The following DNAAF9 variants were observed in gnomAD, a reference collection of about 807,000 sequenced individuals.
DNAAF9 encodes the protein shulin.
A neutral mutation model predicts 167.0 loss-of-function variants in DNAAF9; 90 were observed. The ratio of observed to expected loss-of-function variants is 0.54; its 90% CI spans 0.45 to 0.64. The LOEUF (loss-of-function observed/expected upper bound fraction) is 0.64. Among genes scored for constraint, DNAAF9 ranks in the 30% least tolerant of loss-of-function variants. DNAAF9 has a pLI of 0.00. For synonymous variants in DNAAF9, 491 were observed against 508.8 expected (o/e 0.96, Z 0.47); for missense variants, 1,315 against 1,442.2 (o/e 0.91, Z 1.43).
Position 3,371,006 on chromosome 20 carries a change from A to G in DNAAF9, c.612+3042T>C, listed in dbSNP as rs576815981. On this transcript the variant is annotated intron_variant, in intron 6 of 36. Coordinates refer to ENST00000252032, the MANE Select transcript of DNAAF9 (RefSeq NM_001009984.3). ...CCTTTAATTTAATTCTTTCCTTTCA[A>G]TATCACCAATTTCCATTCTCTATTC... Among the ~76,000 whole-genome samples the G allele has an allele frequency of 1.4e-3, 213 of 152,190 alleles. 1 individual carries two copies. The highest frequency in any genetic ancestry group is 2.1e-3 in the Non-Finnish European group (146 of 68,008).
intron 11 of DNAAF9, among the ~76,000 whole-genome samples, chr20:3,331,769 G>C (rs569458963): frequency 6.6e-6 from 1 of 152,170 alleles, no homozygotes; most frequent in Non-Finnish European, 1.5e-5. Flanking sequence ...CACCTCCCAA[G>C]TTCAAGCGAT....
Position 3,343,840 on chromosome 20 carries a change from C to CGTGT in DNAAF9, c.790-113_790-110dup, listed in dbSNP as rs10582105. ...ACACATGCTTCAGGAGAGTGCACAG[C>CGTGT]GTGTGTGTGTGTGTGTGTGCGTGTG... On this transcript the variant is annotated intron_variant, in intron 8 of 36. Coordinates refer to ENST00000252032, the MANE Select transcript of DNAAF9 (RefSeq NM_001009984.3). The CGTGT allele has an allele frequency of 2.7e-4, 177 of 653,212 alleles. 1 individual carries two copies. The highest frequency in any genetic ancestry group is 1.5e-3 in the Admixed American group (64 of 43,220). The allele number at this position is 653,212 out of a possible 1,614,324, so 40.5% of individuals were successfully genotyped here.
intron 29 of DNAAF9, among the ~76,000 whole-genome samples, chr20:3,271,819 C>T (rs1385437191): frequency 6.6e-6 from 1 of 151,946 alleles, no homozygotes; most frequent in Non-Finnish European, 1.5e-5. Context: ...TGGGGTTTCT[C>T]CATGTTGGTC....
chr20:3,324,866 T>C, intron 14 of DNAAF9, 26 bp downstream of exon 14: 2 of 1,244,756 alleles, frequency 1.6e-6, no homozygotes, highest in Admixed American at 2.0e-5. Flanking sequence ...AAAAATTCCT[T>C]ATAAAAAATA....
intron 7 of DNAAF9, among the ~76,000 whole-genome samples, chr20:3,350,415 G>A (rs2070299438): frequency 6.6e-6 from 1 of 152,110 alleles, no homozygotes; most frequent in African/African-American, 2.4e-5. Flanking sequence ...AAAAATGTGT[G>A]TGTGTATACA....
At position 3,315,026 on chromosome 20, in the gene DNAAF9, T is replaced by A; in HGVS notation, c.1678+7A>T. ...TGGCCAAAAACATTAAAGTCATAGCTCCTTACCTTCCTCAGGCCAGGACTG... is the reference window on the plus strand; with the variant it reads ...TGGCCAAAAACATTAAAGTCATAGCACCTTACCTTCCTCAGGCCAGGACTG... On this transcript the variant is annotated splice_region_variant and intron_variant, in intron 20 of 36. Coordinates refer to ENST00000252032, the MANE Select transcript of DNAAF9 (RefSeq NM_001009984.3). This position sits in a 1 kb window ranked among gnomAD's most constrained non-coding sequence, Gnocchi z 4.1. The A allele has an allele frequency of 6.4e-7, 1 of 1,571,004 alleles. No homozygotes were observed. Among genetic ancestry groups the A allele is most frequent in the Non-Finnish European group, 8.8e-7 (1 of 1,141,052 alleles).
At position 3,316,746 on chromosome 20, in the gene DNAAF9, C is replaced by T. The variant is rs1033291938; in HGVS notation, c.1516G>A (p.Val506Ile). 4.3e-6 allele frequency: 7 copies of T among 1,613,632 alleles called. No homozygotes were observed. The East Asian group carries it at 6.7e-5, about 15-fold the overall frequency. The change falls in exon 18 of 37, where the codon GTA (valine) becomes ATA (isoleucine). Residue 506 changes from valine (V) to isoleucine (I), a missense_variant. By Grantham distance (29) the Val-to-Ile change is conservative. This residue lies in a region of DNAAF9 where 981 missense variants were observed against 1,012.5 expected (regional missense o/e 0.97). Coordinates refer to ENST00000252032, the MANE Select transcript of DNAAF9 (RefSeq NM_001009984.3). ...ACCAGCCAGGAGCAGAATCTGGGTA[C>T]AGCAGCAGTCAGGACTACGGAGCTG... ...ETSSVVLTAA[V>I]PRFCSWLVED...
At chr20:3,368,582 A>G (rs59521155) in intron 6 of DNAAF9, among the ~76,000 whole-genome samples, 80,739 of 147,256 alleles carry the variant, frequency 0.55, 21,989 homozygotes, top group Middle Eastern at 0.66. Flanking sequence ...GCATGATCTC[A>G]GCTCACTGAA....
intron 26 of DNAAF9, among the ~76,000 whole-genome samples, chr20:3,288,188 G>A (rs7271858): frequency 0.01 from 1,555 of 152,346 alleles, 32 homozygotes; most frequent in African/African-American, 0.036. Context: ...TGTGGCTCAC[G>A]CCTGTAATCC....
At chr20:3,338,143 G>C (rs56810767) in intron 10 of DNAAF9, among the ~76,000 whole-genome samples, 1 of 151,080 alleles carries the variant, frequency 6.6e-6, no homozygotes, top group Non-Finnish European at 1.5e-5. Context: ...TTTCTTACAG[G>C]ACAGATCTGC....
chr20:3,287,812 T>C, intron 26 of DNAAF9, 22 bp from the exon 27 acceptor site: 1 of 1,612,658 alleles, frequency 6.2e-7, no homozygotes, highest in Non-Finnish European at 8.5e-7. Context: ...AAAGGTAACC[T>C]CTGCATGGGG....
At chr20:3,401,207 CT>C (rs574066621) in intron 1 of DNAAF9, among the ~76,000 whole-genome samples, 34 of 149,402 alleles carry the variant, frequency 2.3e-4, no homozygotes, top group Non-Finnish European at 1.3e-4. Flanking sequence ...GAATCACTTT[CT>C]TTTTTTTTTA....
chr20:3,336,263 T>TG (rs201291644), intron 10 of DNAAF9, among the ~76,000 whole-genome samples: 4 of 135,696 alleles, frequency 2.9e-5, no homozygotes, highest in African/African-American at 6.2e-5. Context: ...TTTTTGTTTT[T>TG]TTTTTTTTTT....
intron 3 of DNAAF9, among the ~76,000 whole-genome samples, chr20:3,378,212 A>T (rs1269757524): frequency 6.6e-6 from 1 of 152,214 alleles, no homozygotes; most frequent in Non-Finnish European, 1.5e-5. Flanking sequence ...AACAGCACCA[A>T]ATATGGCCAG....
At chr20:3,396,976 G>C (rs2083917135) in intron 1 of DNAAF9, among the ~76,000 whole-genome samples, 1 of 152,234 alleles carries the variant, frequency 6.6e-6, no homozygotes, top group South Asian at 2.1e-4. Flanking sequence ...GACAGGCATG[G>C]TGGCTTATGC....
Position 3,373,915 on chromosome 20 carries a change from T to C in DNAAF9, c.612+133A>G. The C allele has an allele frequency of 4.9e-6, 3 of 613,346 alleles. No homozygotes were observed. The South Asian group carries it at 6.0e-5, about 12-fold the overall frequency. The allele number at this position is 613,346 out of a possible 1,614,324, so 38.0% of individuals were successfully genotyped here. A position where few individuals can be genotyped will look rare whatever the true frequency, so the allele number is the denominator to read the frequency against. ...CAGCAACTATTTTCCATTTCAAGTC[T>C]CCTAACTTGCTCCATGCCCTTGTGA... On this transcript the variant is annotated intron_variant, in intron 6 of 36. Transcript: ENST00000252032.
intron 1 of DNAAF9, among the ~76,000 whole-genome samples, chr20:3,394,026 A>G (rs550346787): frequency 6.6e-6 from 1 of 152,294 alleles, no homozygotes; most frequent in East Asian, 1.9e-4. Flanking sequence ...AATAATTTAC[A>G]TATTTCATCA....
At chr20:3,310,391 A>AAGAAAGAG (rs58945769) in intron 20 of DNAAF9, among the ~76,000 whole-genome samples, 4 of 151,440 alleles carry the variant, frequency 2.6e-5, no homozygotes, top group Non-Finnish European at 5.9e-5. Flanking sequence ...GAAAGAAAGA[A>AAGAAAGAG]TTCCTAAAAT....
intron 1 of DNAAF9, among the ~76,000 whole-genome samples, chr20:3,388,850 G>C (rs1454033455): frequency 6.6e-6 from 1 of 152,190 alleles, no homozygotes; most frequent in Non-Finnish European, 1.5e-5. Context: ...CAAGATGAAA[G>C]GTTGTGTGGA....
Sources: gnomAD v4.1 joint callset for allele counts (sites outside exome capture counted in the v4.1 genomes callset) on GRCh38, gnomAD v4.1.1 for gene constraint, gnomAD v4.1.1 regional missense constraint, Gnocchi (gnomAD v3.1) non-coding constraint, MANE v1.5 for transcripts, NCBI Gene and HGNC (gene_info 2026-07-23, HGNC 2026-07-21) for gene names.